CALHM5: variants seen among roughly 807,000 people sequenced by gnomAD.
CALHM5 encodes calcium homeostasis modulator family member 5.
CALHM5 carries 17 observed loss-of-function variants against 20.9 expected under a neutral mutation model. That is an observed-to-expected ratio of 0.82 (90% CI 0.56 to 1.22). The LOEUF is 1.22. Ranked by LOEUF, CALHM5 falls within the 50% of genes most tolerant of loss-of-function variation. The pLI is 0.00. For missense variants in CALHM5, 360 were observed against 364.6 expected (o/e 0.99, Z 0.10); for synonymous variants, 148 against 140.0 (o/e 1.06, Z -0.40).
chr6:116,521,824 TTGAATC>T lies in CALHM5; in HGVS notation c.*5839_*5844del, dbSNP rs1772348701. On this transcript the variant is annotated 3_prime_UTR_variant, in exon 2 of 2. Transcript: ENST00000368599. ...CAGATGTAGTCGTGTTATCCTCACT[TTGAATC>T]TGACCTTATGAACCAATAAAATATG... is the stretch of plus-strand genomic sequence containing the variant. The T allele has an allele frequency of 6.6e-6, 1 of 152,196 alleles. No individual in the cohort carries two copies. Among genetic ancestry groups the T allele is most frequent in the African/African-American group, 2.4e-5 (1 of 41,458 alleles). 9.4% of individuals were successfully genotyped at this position (152,196 alleles called of 1,614,324 possible).
In CALHM5 at chr6:116,516,663, ATATAT is replaced by A; in HGVS notation, c.*675_*679del. Reference sequence around the variant, plus strand: ...TACATTCAAAATAGTAGTAACAAATATATATATATATATATATATATATATATATA... The same window carrying A: ...TACATTCAAAATAGTAGTAACAAATAATATATATATATATATATATATATA... On this transcript the variant is annotated 3_prime_UTR_variant, in exon 2 of 2. Coordinates refer to ENST00000368599, the MANE Select transcript of CALHM5 (RefSeq NM_153711.5). The A allele has an allele frequency of 5.2e-4, 1 of 1,918 alleles. No individual in the cohort carries two copies. The highest frequency in any genetic ancestry group is 0.016 in the South Asian group (1 of 62). The allele number at this position is 1,918 out of a possible 1,614,324, so 0.1% of individuals were successfully genotyped here.
intron 1 of CALHM5, among the ~76,000 whole-genome samples, chr6:116,513,246 C>T (rs1463425728): frequency 6.6e-6 from 1 of 152,216 alleles, no homozygotes; most frequent in Non-Finnish European, 1.5e-5. Flanking sequence ...AAATCATACA[C>T]TCCAAAGCTG....
rs1406339736 is a variant in CALHM5, at chr6:116,518,604, C to T, written c.*2615C>T. ...TTAAAGTTTGTCTGCCCTTAAGTGT[C>T]TTCTGAGCTGGAAAAAGACATATAG... is the stretch of plus-strand genomic sequence containing the variant. On this transcript the variant is annotated 3_prime_UTR_variant, in exon 2 of 2. Coordinates refer to ENST00000368599, the MANE Select transcript of CALHM5 (RefSeq NM_153711.5). The T allele has an allele frequency of 6.6e-6, 1 of 152,154 alleles. No homozygotes were observed. Among genetic ancestry groups the T allele is most frequent in the Non-Finnish European group, 1.5e-5 (1 of 68,036 alleles). The allele number at this position is 152,154 out of a possible 1,614,324, so 9.4% of individuals were successfully genotyped here. A position where few individuals can be genotyped will look rare whatever the true frequency, so the allele number is the denominator to read the frequency against.
chr6:116,522,780 T>G lies in CALHM5; in HGVS notation c.*6791T>G, dbSNP rs957891650. 1.3e-5 allele frequency: 2 copies of G among 152,144 alleles called. No homozygotes were observed. Among genetic ancestry groups the G allele is most frequent in the Non-Finnish European group, 2.9e-5 (2 of 68,032 alleles). The allele number at this position is 152,144 out of a possible 1,614,324, so 9.4% of individuals were successfully genotyped here. On this transcript the variant is annotated 3_prime_UTR_variant, in exon 2 of 2. Transcript: ENST00000368599. ...TTGTTCTTCTAGTCGTCTCTCAAAA[T>G]GTTATCTTCAGACTGTCAACATCAG...
chr6:116,513,037 A>G (rs1772154697), intron 1 of CALHM5, among the ~76,000 whole-genome samples: 1 of 152,194 alleles, frequency 6.6e-6, no homozygotes, highest in South Asian at 2.1e-4. Context: ...GTACAGCCTT[A>G]GGAAGGACTA....
At chr6:116,513,459 C>G (rs1335313413) in intron 1 of CALHM5, among the ~76,000 whole-genome samples, 3 of 152,200 alleles carry the variant, frequency 2.0e-5, no homozygotes, top group Non-Finnish European at 4.4e-5. Context: ...AGTCACCAGG[C>G]TCCATTCAGT....
At position 116,524,179 on chromosome 6, in the gene CALHM5, G is replaced by A. The variant is rs1210954749; in HGVS notation, c.*8190G>A. On this transcript the variant is annotated 3_prime_UTR_variant, in exon 2 of 2. Coordinates refer to ENST00000368599, the MANE Select transcript of CALHM5 (RefSeq NM_153711.5). ...TCTTTAAAATACTCTAGAAAAAAGAGTTTAGGGAGAAAGCTGAAAGATGAA... is the reference window on the plus strand; with the variant it reads ...TCTTTAAAATACTCTAGAAAAAAGAATTTAGGGAGAAAGCTGAAAGATGAA... 7.3e-6 allele frequency: 1 copy of A among 137,058 alleles called. No homozygotes were observed. The highest frequency in any genetic ancestry group is 2.7e-5 in the African/African-American group (1 of 37,270). 8.5% of individuals were successfully genotyped at this position (137,058 alleles called of 1,614,324 possible). A position where few individuals can be genotyped will look rare whatever the true frequency, so the allele number is the denominator to read the frequency against.
rs975930544 is a variant in CALHM5 at position 116,511,804 on chromosome 6, T to C, written c.108T>C (p.Val36=). 6.2e-7 allele frequency: 1 copy of C among 1,614,100 alleles called. No individual in the cohort carries two copies. Among genetic ancestry groups the C allele is most frequent in the Admixed American group, 1.7e-5 (1 of 59,986 alleles). ...TGGGAAGTGAGCGTCTCTTTTCTGT[T>C]GTGGCTTTTAAGTGCCCCTGCAGCA... The part of the protein sequence containing the change: ...LTVGSERLFS[V]VAFKCPCSTE... The change falls in exon 1 of 2, where the codon GTT becomes GTC. Residue 36 remains valine, a synonymous_variant. Coordinates refer to ENST00000368599, the MANE Select transcript of CALHM5 (RefSeq NM_153711.5).
At chr6:116,512,297 T>A in intron 1 of CALHM5, 61 bp downstream of exon 1, 2 of 1,507,524 alleles carry the variant, frequency 1.3e-6, no homozygotes, top group Non-Finnish European at 1.8e-6. Flanking sequence ...CTCTCTGTGC[T>A]CCTTTCAGCC....
rs1772355740 is a variant in CALHM5, at chr6:116,522,071, G to C, written c.*6082G>C. 6.6e-6 allele frequency: 1 copy of C among 152,230 alleles called. No homozygotes were observed. The highest frequency in any genetic ancestry group is 1.5e-5 in the Non-Finnish European group (1 of 68,074). 9.4% of individuals were successfully genotyped at this position (152,230 alleles called of 1,614,324 possible). A position where few individuals can be genotyped will look rare whatever the true frequency, so the allele number is the denominator to read the frequency against. ...GATCCCAATGGCTCCAATTGTCTCA[G>C]ATATTCTAGCTTAGGGGTCAGGCAT... On this transcript the variant is annotated 3_prime_UTR_variant, in exon 2 of 2. Coordinates refer to ENST00000368599, the MANE Select transcript of CALHM5 (RefSeq NM_153711.5).
intron 1 of CALHM5, among the ~76,000 whole-genome samples, chr6:116,513,102 A>G (rs1300146234): frequency 6.6e-6 from 1 of 152,204 alleles, no homozygotes; most frequent in Non-Finnish European, 1.5e-5. Context: ...ACAAGTGGTA[A>G]GAGTTGATAA....
Position 116,522,020 on chromosome 6 carries a change from G to C in CALHM5, c.*6031G>C, listed in dbSNP as rs1040051721. On this transcript the variant is annotated 3_prime_UTR_variant, in exon 2 of 2. Coordinates refer to ENST00000368599, the MANE Select transcript of CALHM5 (RefSeq NM_153711.5). ...AAGCTAGCCAGTGGGAGGAGAGAGA[G>C]AGAGATAAAAAGAGAGAGAGAGAGA... is the stretch of plus-strand genomic sequence containing the variant. 2 of 152,162 alleles carry C rather than the reference G, an allele frequency of 1.3e-5. No individual in the cohort carries two copies. The highest frequency in any genetic ancestry group is 4.8e-5 in the African/African-American group (2 of 41,416). The allele number at this position is 152,162 out of a possible 1,614,324, so 9.4% of individuals were successfully genotyped here. A position where few individuals can be genotyped will look rare whatever the true frequency, so the allele number is the denominator to read the frequency against.
At chr6:116,515,537 A>G (rs1772204640) in intron 1 of CALHM5, 63 bp from the exon 2 acceptor site, 1 of 1,502,810 alleles carries the variant, frequency 6.7e-7, no homozygotes, top group Non-Finnish European at 9.0e-7. Context: ...CTTCTCAATA[A>G]TACCCCAGCT....
chr6:116,515,829 C>T lies in CALHM5; in HGVS notation c.770C>T (p.Pro257Leu). 2 of 1,613,986 alleles carry T rather than the reference C, an allele frequency of 1.2e-6. No homozygotes were observed. Among genetic ancestry groups the T allele is most frequent in the South Asian group, 2.2e-5 (2 of 91,078 alleles). ...ENKRPDPFPM[P>L]TFAAWEAASE... ...AAGAGGCCAGATCCTTTTCCCATGC[C>T]TACGTTTGCTGCCTGGGAGGCTGCT... Residue 257 changes from proline to leucine, a missense_variant, in exon 2 of 2, where the codon CCT (proline) becomes CTT (leucine). By Grantham distance (98) the Pro-to-Leu change is moderately conservative. Coordinates refer to ENST00000368599, the MANE Select transcript of CALHM5 (RefSeq NM_153711.5).
chr6:116,512,005 C>T lies in CALHM5; in HGVS notation c.309C>T (p.Ile103=). ...GTTTCTTCTACGTCCTCGGCCAGAT[C>T]ACTCTGAGCTCATTGGTGGCTCCAG... The part of the protein sequence containing the change: ...SCRFFYVLGQ[I]TLSSLVAPVM... The change falls in exon 1 of 2, where the codon ATC becomes ATT. Residue 103 remains isoleucine (I), a synonymous_variant. Transcript: ENST00000368599. The T allele has an allele frequency of 6.2e-7, 1 of 1,613,936 alleles. No individual in the cohort carries two copies. The highest frequency in any genetic ancestry group is 8.5e-7 in the Non-Finnish European group (1 of 1,179,906).
rs1257075599 is a variant in CALHM5, at chr6:116,517,951, C to G, written c.*1962C>G. On this transcript the variant is annotated 3_prime_UTR_variant, in exon 2 of 2. Transcript: ENST00000368599. Reference sequence around the variant, plus strand: ...AGGTTCAGAGAGCTTCTGCATTGCTCAATACATGAGGAGTGGTGAGCCCAA... The same window carrying G: ...AGGTTCAGAGAGCTTCTGCATTGCTGAATACATGAGGAGTGGTGAGCCCAA... The G allele has an allele frequency of 2.0e-5, 3 of 152,220 alleles. No homozygotes were observed. Among genetic ancestry groups the G allele is most frequent in the Non-Finnish European group, 4.4e-5 (3 of 68,066 alleles). The allele number at this position is 152,220 out of a possible 1,614,324, so 9.4% of individuals were successfully genotyped here.
chr6:116,519,391 A>C lies in CALHM5; in HGVS notation c.*3402A>C, dbSNP rs1320340728. 1.3e-5 allele frequency: 2 copies of C among 152,210 alleles called. No homozygotes were observed. Among genetic ancestry groups the C allele is most frequent in the South Asian group, 2.1e-4 (1 of 4,830 alleles). The allele number at this position is 152,210 out of a possible 1,614,324, so 9.4% of individuals were successfully genotyped here. A position where few individuals can be genotyped will look rare whatever the true frequency, so the allele number is the denominator to read the frequency against. On this transcript the variant is annotated 3_prime_UTR_variant, in exon 2 of 2. Transcript: ENST00000368599. ...ATCCCAAGTGTGCTCTGGGGCTTCC[A>C]TTGCAGCCAAGAGAGAGCATTCCCC...
chr6:116,512,227 C>G lies in CALHM5; in HGVS notation c.531C>G (p.Ala177=). 6.3e-7 allele frequency: 1 copy of G among 1,596,308 alleles called. No individual in the cohort carries two copies. Among genetic ancestry groups the G allele is most frequent in the Non-Finnish European group, 8.5e-7 (1 of 1,175,156 alleles). Residue 177 remains alanine (A), a synonymous_variant, in exon 1 of 2, where the codon GCC becomes GCG. Transcript: ENST00000368599. Reference sequence around the variant, plus strand: ...AAGAACTGAAACTCTCCCTTCAGGCCCAGTCTCAGGTAAGAAAAGACAAAC... The same window carrying G: ...AAGAACTGAAACTCTCCCTTCAGGCGCAGTCTCAGGTAAGAAAAGACAAAC... ...VNEELKLSLQ[A]QSQILGWCLI...
rs755491538 is a variant in CALHM5, at chr6:116,515,629, G to A, written c.570G>A (p.Ala190=). 45 of 1,612,956 alleles carry A rather than the reference G, an allele frequency of 2.8e-5. No individual in the cohort carries two copies. The highest frequency in any genetic ancestry group is 3.3e-5 in the Admixed American group (2 of 59,772). ...QILGWCLICS[A]SFFSLLTTCY... ...TAGGATGGTGCCTGATTTGTTCAGC[G>A]TCTTTCTTCTCTCTGCTCACCACAT... The change falls in exon 2 of 2, where the codon GCG becomes GCA. Residue 190 remains alanine (A), a synonymous_variant. Coordinates refer to ENST00000368599, the MANE Select transcript of CALHM5 (RefSeq NM_153711.5).
Sources: gnomAD v4.1 joint callset for allele counts (sites outside exome capture counted in the v4.1 genomes callset) on GRCh38, gnomAD v4.1.1 for gene constraint, MANE v1.5 for transcripts, NCBI Gene and HGNC (gene_info 2026-07-23, HGNC 2026-07-21) for gene names.